The following ADGRV1 variants were observed in gnomAD, a reference collection of about 807,000 sequenced individuals.
The protein encoded by ADGRV1 is G-protein coupled receptor 98.
Under a neutral mutation model 596.2 loss-of-function variants are expected in ADGRV1, and 359 were observed. That is an observed-to-expected ratio of 0.60 (90% CI 0.55 to 0.66). ADGRV1 has a LOEUF of 0.66. ADGRV1 is among the 30% of genes least tolerant of loss of function. The pLI is 0.00. For missense variants in ADGRV1, 7,274 were observed against 7,575.6 expected, an observed-to-expected ratio of 0.96 and a Z score of 1.48; for synonymous variants, 2,681 against 2,679.2, an observed-to-expected ratio of 1.00 and a Z score of -0.02.
intron 82 of ADGRV1, among the ~76,000 whole-genome samples, chr5:90,861,130 C>G (rs972238961): frequency 1.5e-4 from 23 of 151,996 alleles, no homozygotes; most frequent in Non-Finnish European, 2.5e-4. Context: ...AACCGAATCT[C>G]TAATCCACAT....
At chr5:91,065,165 C>T (rs775514015) in intron 85 of ADGRV1, among the ~76,000 whole-genome samples, 17 of 152,174 alleles carry the variant, frequency 1.1e-4, no homozygotes, top group Non-Finnish European at 2.5e-4. Context: ...ATCCCATGTA[C>T]TCCCCATATA....
At chr5:90,685,626 A>ATAAG (rs1366238303) in intron 28 of ADGRV1, among the ~76,000 whole-genome samples, 154 bp from the exon 29 acceptor site, 2 of 149,506 alleles carry the variant, frequency 1.3e-5, no homozygotes, top group African/African-American at 4.9e-5. Flanking sequence ...AAATAAATAA[A>ATAAG]TAAATAAATA....
At chr5:91,036,017 T>C (rs1317034155) in intron 85 of ADGRV1, among the ~76,000 whole-genome samples, 1 of 151,246 alleles carries the variant, frequency 6.6e-6, no homozygotes, top group Non-Finnish European at 1.5e-5. Flanking sequence ...AGATTAAGTA[T>C]TGTAGATATG....
At chr5:90,745,404 C>A in intron 51 of ADGRV1, 139 bp downstream of exon 51, 2 of 717,290 alleles carry the variant, frequency 2.8e-6, no homozygotes, top group Non-Finnish European at 2.2e-6. Flanking sequence ...TGGTTATTAT[C>A]CATGTTTCTA....
intron 1 of ADGRV1, among the ~76,000 whole-genome samples, chr5:90,592,822 A>C (rs962531900): frequency 3.9e-5 from 6 of 152,266 alleles, no homozygotes; most frequent in Non-Finnish European, 8.8e-5. Context: ...GAAGACATTT[A>C]TGCAGCCAAC....
chr5:90,688,498 AG>A (rs1387818047), intron 29 of ADGRV1, among the ~76,000 whole-genome samples: 1 of 152,068 alleles, frequency 6.6e-6, no homozygotes, highest in Admixed American at 6.6e-5. Context: ...TGGGACTACA[AG>A]CGTGTGCCAC....
chr5:91,124,671 A>G (rs1793599632), intron 87 of ADGRV1, among the ~76,000 whole-genome samples: 1 of 152,232 alleles, frequency 6.6e-6, no homozygotes, highest in African/African-American at 2.4e-5. Flanking sequence ...GGACAAAAGC[A>G]AACTTCCTGG....
chr5:90,589,352 C>G (rs1212980760), intron 1 of ADGRV1, among the ~76,000 whole-genome samples: 5 of 152,144 alleles, frequency 3.3e-5, no homozygotes, highest in African/African-American at 1.2e-4. Context: ...TTCCTTTTCA[C>G]TTGTGAATTT....
At chr5:90,833,702 C>T (rs1764712619) in intron 77 of ADGRV1, among the ~76,000 whole-genome samples, 1 of 152,146 alleles carries the variant, frequency 6.6e-6, no homozygotes, top group South Asian at 2.1e-4. Flanking sequence ...ATATGGTTCA[C>T]TGTCGGCATA....
intron 1 of ADGRV1, among the ~76,000 whole-genome samples, chr5:90,596,776 C>G (rs371886360): frequency 6.6e-6 from 1 of 151,872 alleles, no homozygotes; most frequent in Non-Finnish European, 1.5e-5. Context: ...AGAGGGTGAC[C>G]GTGGAAAGAG....
At chr5:91,042,692 A>T (rs1785467100) in intron 85 of ADGRV1, among the ~76,000 whole-genome samples, 1 of 152,170 alleles carries the variant, frequency 6.6e-6, no homozygotes, top group Admixed American at 6.5e-5. Context: ...TAGAAAATAG[A>T]GCAGCCTTTT....
intron 85 of ADGRV1, among the ~76,000 whole-genome samples, chr5:91,056,065 G>T (rs1474504600): frequency 6.6e-6 from 1 of 152,154 alleles, no homozygotes; most frequent in Non-Finnish European, 1.5e-5. Flanking sequence ...TAGTCGGTTG[G>T]CGAGAGGTTA....
chr5:90,687,864 G>C (rs1018430153), intron 29 of ADGRV1, among the ~76,000 whole-genome samples: 1 of 152,038 alleles, frequency 6.6e-6, no homozygotes, highest in African/African-American at 2.4e-5. Context: ...ACCTCTTCAA[G>C]GAGAACTACA....
chr5:90,999,211 T>C (rs1309197253), intron 85 of ADGRV1, among the ~76,000 whole-genome samples: 2 of 152,068 alleles, frequency 1.3e-5, no homozygotes, highest in African/African-American at 4.8e-5. Context: ...TTCTCCTATC[T>C]ATTTTTAAGG....
intron 50 of ADGRV1, among the ~76,000 whole-genome samples, chr5:90,737,547 T>C (rs1225141010): frequency 1.3e-5 from 2 of 151,972 alleles, no homozygotes; most frequent in African/African-American, 4.8e-5. Context: ...CCTACTATTA[T>C]TGTATTGCAG....
intron 85 of ADGRV1, among the ~76,000 whole-genome samples, chr5:90,993,540 A>C (rs1025361386): frequency 1.3e-4 from 20 of 152,086 alleles, no homozygotes; most frequent in Admixed American, 1.0e-3. Flanking sequence ...GATTAGATGG[A>C]ATTTACACAT....
At chr5:90,658,766 C>T (rs1296446894) in intron 21 of ADGRV1, among the ~76,000 whole-genome samples, 1 of 150,572 alleles carries the variant, frequency 6.6e-6, no homozygotes, top group African/African-American at 2.5e-5. Context: ...TATCAACCTT[C>T]TTGGCCAGCT....
intron 83 of ADGRV1, among the ~76,000 whole-genome samples, chr5:90,910,202 T>C (rs1025548725): frequency 6.6e-6 from 1 of 152,254 alleles, no homozygotes; most frequent in Non-Finnish European, 1.5e-5. Context: ...AAGCTACTAC[T>C]TGTGACGCAG....
intron 86 of ADGRV1, among the ~76,000 whole-genome samples, chr5:91,085,601 A>T (rs1033657124): frequency 6.6e-6 from 1 of 152,054 alleles, no homozygotes; most frequent in Non-Finnish European, 1.5e-5. Context: ...TTTTCGTTTC[A>T]TCTTAGATGA....
Sources: gnomAD v4.1 joint callset for allele counts (sites outside exome capture counted in the v4.1 genomes callset) on GRCh38, gnomAD v4.1.1 for gene constraint, MANE v1.5 for transcripts, NCBI Gene and HGNC (gene_info 2026-07-23, HGNC 2026-07-21) for gene names.